The following ALDH3B1 variants were observed in gnomAD, a reference collection of about 807,000 sequenced individuals.
The protein encoded by ALDH3B1 is aldehyde dehydrogenase 3 family member B1, also known as aldehyde dehydrogenase family 3 member B1.
Under a neutral mutation model 46.2 loss-of-function variants are expected in ALDH3B1, and 37 were observed. That is an observed-to-expected ratio of 0.80 (90% CI 0.62 to 1.05). The LOEUF (loss-of-function observed/expected upper bound fraction) is 1.05, where lower values mean the gene tolerates loss of function less well. ALDH3B1 is among the 50% of genes least tolerant of loss of function. ALDH3B1 has a pLI of 0.00. For missense variants in ALDH3B1, 603 were observed against 665.5 expected (o/e 0.91, Z 1.03); for synonymous variants, 283 against 281.0 (o/e 1.01, Z -0.07).
In ALDH3B1 at chr11:68,026,009, G is replaced by C; in HGVS notation, c.1117G>C (p.Val373Leu). 6.3e-7 allele frequency: 1 copy of C among 1,594,194 alleles called. No individual in the cohort carries two copies. ...ALYAFSNSSQVVKRVLTQTSS... is the reference protein window; with the variant it reads ...ALYAFSNSSQLVKRVLTQTSS... ...TCACGCACATCCTGTTCTCTCCCAG[G>C]TGGTCAAGCGGGTGCTGACCCAGAC... The change falls in exon 9 of 10, where the codon GTG (valine) becomes CTG (leucine). Residue 373 changes from valine to leucine, a missense_variant and splice_region_variant. Val to Leu is a conservative substitution (Grantham distance 32). Coordinates refer to ENST00000342456, the MANE Select transcript of ALDH3B1 (RefSeq NM_000694.4).
chr11:68,026,534 T>G (rs1376550787), intron 9 of ALDH3B1, among the ~76,000 whole-genome samples: 1 of 150,236 alleles, frequency 6.7e-6, no homozygotes, highest in Non-Finnish European at 1.5e-5. Flanking sequence ...CAGCTCTCAG[T>G]ACAACACCTC....
chr11:68,022,862 G>T (rs1857538432), intron 8 of ALDH3B1, 101 bp downstream of exon 8: 2 of 1,517,848 alleles, frequency 1.3e-6, no homozygotes, highest in South Asian at 1.2e-5. Flanking sequence ...TCAGGACTTT[G>T]GGATGGTGGA....
rs1357317411 is a variant in ALDH3B1 at position 68,027,949 on chromosome 11, C to T, written c.*10C>T. The T allele has an allele frequency of 6.4e-7, 1 of 1,552,438 alleles. No homozygotes were observed. Among genetic ancestry groups the T allele is most frequent in the African/African-American group, 1.4e-5 (1 of 73,590 alleles). ...CTGCACACTGCTCTGAGCCCTTCCC[C>T]AGGCCCAGGCTGTAGACCACCATGA... is the stretch of plus-strand genomic sequence containing the variant. On this transcript the variant is annotated 3_prime_UTR_variant, in exon 10 of 10. Transcript: ENST00000342456.
At chr11:68,013,466 A>G in intron 1 of ALDH3B1, among the ~76,000 whole-genome samples, 1 of 152,250 alleles carries the variant, frequency 6.6e-6, no homozygotes, top group East Asian at 1.9e-4. Context: ...GACCACTGGC[A>G]GAAGTCTGAA....
At chr11:68,024,921 C>A (rs1192097909) in intron 8 of ALDH3B1, 2 of 152,214 alleles carry the variant, frequency 1.3e-5, no homozygotes, top group South Asian at 4.1e-4. Context: ...GTCCCAGCCT[C>A]TTGGGTTGTG....
At chr11:68,015,598 C>G (rs541085591) in intron 2 of ALDH3B1, 139 bp downstream of exon 2, 13 of 1,079,458 alleles carry the variant, frequency 1.2e-5, no homozygotes, top group Non-Finnish European at 1.8e-5. Context: ...CCAGAGCCAC[C>G]CTTGCACATT....
At chr11:68,021,997 G>A (rs1857513075) in intron 7 of ALDH3B1, 126 bp downstream of exon 7, 1 of 1,454,814 alleles carries the variant, frequency 6.9e-7, no homozygotes, top group Non-Finnish European at 9.2e-7. Flanking sequence ...GCCCGGCCTT[G>A]AGCCACAGCT....
intron 7 of ALDH3B1, 109 bp from the exon 8 acceptor site, chr11:68,022,486 G>C: frequency 7.1e-6 from 10 of 1,411,312 alleles, no homozygotes; most frequent in Non-Finnish European, 9.5e-6. Context: ...GTCAGACCTT[G>C]GGATCCTGGC....
At chr11:68,014,758 G>A (rs1245475688) in intron 1 of ALDH3B1, among the ~76,000 whole-genome samples, 1 of 152,224 alleles carries the variant, frequency 6.6e-6, no homozygotes, top group East Asian at 1.9e-4. Context: ...TGGGGACAGA[G>A]GAAGACGGAG....
chr11:68,023,822 G>T, intron 8 of ALDH3B1, among the ~76,000 whole-genome samples: 1 of 151,810 alleles, frequency 6.6e-6, no homozygotes, highest in African/African-American at 2.4e-5. Flanking sequence ...TGGGAGGATT[G>T]CTTGAGCTCA....
Position 68,026,017 on chromosome 11 carries a change from G to A in ALDH3B1, c.1125G>A (p.Lys375=). ...ATCCTGTTCTCTCCCAGGTGGTCAA[G>A]CGGGTGCTGACCCAGACCAGCAGCG... ...YAFSNSSQVV[K]RVLTQTSSGG... is the part of the protein sequence containing the mutation. Residue 375 remains lysine, a synonymous_variant, in exon 9 of 10, where the codon AAG becomes AAA. Coordinates refer to ENST00000342456, the MANE Select transcript of ALDH3B1 (RefSeq NM_000694.4). 1 of 1,602,432 alleles carries A rather than the reference G, an allele frequency of 6.2e-7. No individual in the cohort carries two copies. The highest frequency in any genetic ancestry group is 1.1e-5 in the South Asian group (1 of 88,648).
chr11:68,021,288 G>C (rs967536782), intron 6 of ALDH3B1, among the ~76,000 whole-genome samples, 197 bp from the exon 7 acceptor site: 2 of 152,202 alleles, frequency 1.3e-5, no homozygotes, highest in Non-Finnish European at 2.9e-5. Context: ...CTGAGACTCT[G>C]TGCTTAGGGG....
chr11:68,012,343 TG>T (rs1011561270), intron 1 of ALDH3B1, among the ~76,000 whole-genome samples: 45 of 152,162 alleles, frequency 3.0e-4, no homozygotes, highest in Admixed American at 2.9e-3. Flanking sequence ...ACCTGAGTAT[TG>T]TTTTTAGAGG....
rs1565138277 is a variant in ALDH3B1, at chr11:68,021,884, GC to G, written c.949+17del. 4 of 1,580,276 alleles carry G rather than the reference GC, an allele frequency of 2.5e-6. No individual in the cohort carries two copies. Among genetic ancestry groups the G allele is most frequent in the Admixed American group, 1.7e-5 (1 of 57,550 alleles). On this transcript the variant is annotated intron_variant, in intron 7 of 9. Coordinates refer to ENST00000342456, the MANE Select transcript of ALDH3B1 (RefSeq NM_000694.4). ...GATCGCTACATCGGTGAGTCCTGCT[GC>G]CCCTACCACAGCCCACCTGGGCCAA...
upstream of ALDH3B1, among the ~76,000 whole-genome samples, chr11:68,009,702 A>T (rs1407026859): frequency 6.6e-6 from 1 of 152,134 alleles, no homozygotes; most frequent in African/African-American, 2.4e-5. Flanking sequence ...TCAGGGGTTG[A>T]TATTATTATC....
At chr11:68,022,885 G>A in intron 8 of ALDH3B1, 124 bp downstream of exon 8, 3 of 1,378,984 alleles carry the variant, frequency 2.2e-6, no homozygotes, top group Non-Finnish European at 3.0e-6. Flanking sequence ...TCTTGGCTCT[G>A]TCTCTGCCCA....
chr11:68,015,652 G>GCATGA, intron 2 of ALDH3B1, 193 bp downstream of exon 2: 1 of 776,854 alleles, frequency 1.3e-6, no homozygotes, highest in Non-Finnish European at 2.2e-6. Context: ...ACTATTTGCT[G>GCATGA]AGCACCTACT....
At position 68,027,819 on chromosome 11, in the gene ALDH3B1, C is replaced by A. The variant is rs372813563; in HGVS notation, c.1287C>A (p.Leu429=). Reference sequence around the variant, plus strand: ...CCTTCTCCCACCATCGCGCCTGCCTCCTGCGCAGCCCGGGGATGGAGAAGC... The same window carrying A: ...CCTTCTCCCACCATCGCGCCTGCCTACTGCGCAGCCCGGGGATGGAGAAGC... The part of the protein sequence containing the change: ...FDTFSHHRAC[L]LRSPGMEKLN... The change falls in exon 10 of 10, where the codon CTC becomes CTA. Residue 429 remains leucine (L), a synonymous_variant. Coordinates refer to ENST00000342456, the MANE Select transcript of ALDH3B1 (RefSeq NM_000694.4). 1.3e-5 allele frequency: 21 copies of A among 1,557,216 alleles called. No homozygotes were observed. The highest frequency in any genetic ancestry group is 1.7e-5 in the Non-Finnish European group (20 of 1,149,934).
At chr11:68,026,544 C>T (rs1458880694) in intron 9 of ALDH3B1, among the ~76,000 whole-genome samples, 1 of 152,006 alleles carries the variant, frequency 6.6e-6, no homozygotes, top group Non-Finnish European at 1.5e-5. Context: ...TACAACACCT[C>T]CCCACCCTGA....
Sources: allele counts gnomAD v4.1 joint callset (sites outside exome capture counted in the v4.1 genomes callset), GRCh38; gene constraint gnomAD v4.1.1; transcripts MANE v1.5; gene names NCBI Gene and HGNC (gene_info 2026-07-23, HGNC 2026-07-21).